POGZ: variants seen among roughly 807,000 people sequenced by gnomAD.
The protein encoded by POGZ is pogo transposable element with ZNF domain.
Under a neutral mutation model 134.6 loss-of-function variants are expected in POGZ, and 17 were observed. That is an observed-to-expected ratio of 0.13 (90% CI 0.09 to 0.19). POGZ has a LOEUF of 0.19. POGZ is among the 10% of genes least tolerant of loss of function. POGZ has a pLI of 1.00. For missense variants in POGZ, 1,306 were observed against 1,769.7 expected, an observed-to-expected ratio of 0.74 and a Z score of 4.70; for synonymous variants, 693 against 657.1, an observed-to-expected ratio of 1.05 and a Z score of -0.84.
intron 15 of POGZ, 97 bp downstream of exon 15, chr1:151,408,003 C>CCCT: frequency 8.5e-6 from 8 of 945,436 alleles, no homozygotes; most frequent in African/African-American, 6.5e-5. Context: ...CAGAGTGAGA[C>CCCT]CCTGTCTTCA....
chr1:151,441,330 G>T (rs1660495655), intron 2 of POGZ, among the ~76,000 whole-genome samples: 2 of 152,130 alleles, frequency 1.3e-5, no homozygotes, highest in Admixed American at 1.3e-4. Flanking sequence ...CCACTGAACT[G>T]GGATTTTAAT....
chr1:151,443,570 C>T (rs558980984), intron 1 of POGZ, among the ~76,000 whole-genome samples: 13 of 152,118 alleles, frequency 8.5e-5, no homozygotes, highest in African/African-American at 2.2e-4. Context: ...TAAAATTAGC[C>T]GGGCGTGGTG....
At position 151,430,646 on chromosome 1, in the gene POGZ, G is replaced by T; in HGVS notation, c.459+20C>A. On this transcript the variant is annotated intron_variant, in intron 4 of 18. Transcript: ENST00000271715. Reference sequence around the variant, plus strand: ...GTCTTTCTCTCCTCTAGCAACCTTGGAATTCAGAGTCCTACTCACCTGCGT... The same window carrying T: ...GTCTTTCTCTCCTCTAGCAACCTTGTAATTCAGAGTCCTACTCACCTGCGT... The T allele has an allele frequency of 6.3e-7, 1 of 1,585,492 alleles. No homozygotes were observed. The highest frequency in any genetic ancestry group is 8.6e-7 in the Non-Finnish European group (1 of 1,162,954).
rs185546394 is a variant in POGZ, at chr1:151,419,426, T to C, written c.1678+3971A>G. 3.0e-4 allele frequency among the ~76,000 whole-genome samples: 45 copies of C among 151,636 alleles called. No individual in the cohort carries two copies. The East Asian group carries it at 3.7e-3, about 12-fold the overall frequency. ...GCACTTTGAGGCTGAGGTGGGTGGATTGCTCGAGCTCAATAATTTGAGACC... is the reference window on the plus strand; with the variant it reads ...GCACTTTGAGGCTGAGGTGGGTGGACTGCTCGAGCTCAATAATTTGAGACC... On this transcript the variant is annotated intron_variant, in intron 10 of 18. Coordinates refer to ENST00000271715, the MANE Select transcript of POGZ (RefSeq NM_015100.4).
At chr1:151,440,249 T>G (rs1195504357) in intron 3 of POGZ, among the ~76,000 whole-genome samples, 1 of 151,920 alleles carries the variant, frequency 6.6e-6, no homozygotes, top group Non-Finnish European at 1.5e-5. Context: ...ACTAAAGCTG[T>G]TTTAGTTTTA....
chr1:151,458,612 C>CCGCCCCTCCGCCGCACGGCCT (rs1459083360), intron 1 of POGZ, among the ~76,000 whole-genome samples: 79 of 147,914 alleles, frequency 5.3e-4, no homozygotes, highest in Middle Eastern at 6.9e-3. Context: ...CCGCCGCCGC[C>CCGCCCCTCCGCCGCACGGCCT]CGCCCCTCCG....
rs1019613201 is a variant in POGZ, at chr1:151,452,058, T to C, written c.-2+7094A>G. Among the ~76,000 whole-genome samples the C allele has an allele frequency of 4.3e-5, 6 of 141,098 alleles. 1 individual carries two copies. The highest frequency in any genetic ancestry group is 4.1e-4 in the East Asian group (2 of 4,846). 92.6% of individuals were successfully genotyped at this position (141,098 alleles called of 152,430 possible). A position where few individuals can be genotyped will look rare whatever the true frequency, so the allele number is the denominator to read the frequency against. On this transcript the variant is annotated intron_variant, in intron 1 of 18. Coordinates refer to ENST00000271715, the MANE Select transcript of POGZ (RefSeq NM_015100.4). Reference sequence around the variant, plus strand: ...GTTGCAGTGAGCCGAGATGGTGCAATTGCACTCCAGCCTGGGCAACAAGAG... The same window carrying C: ...GTTGCAGTGAGCCGAGATGGTGCAACTGCACTCCAGCCTGGGCAACAAGAG...
intron 3 of POGZ, among the ~76,000 whole-genome samples, chr1:151,437,286 C>G (rs749623739): frequency 6.6e-6 from 1 of 150,448 alleles, no homozygotes; most frequent in Non-Finnish European, 1.5e-5. Context: ...TTTTTAATCA[C>G]ATCTTTAATG....
At chr1:151,446,814 TACTGCA>T in intron 1 of POGZ, among the ~76,000 whole-genome samples, 1 of 140,424 alleles carries the variant, frequency 7.1e-6, no homozygotes, top group East Asian at 2.1e-4. Flanking sequence ...TTGGGAATCA[TACTGCA>T]ACAAGTGAAC....
chr1:151,426,979 G>A (rs1235233399), intron 7 of POGZ: 8 of 152,082 alleles, frequency 5.3e-5, no homozygotes. Flanking sequence ...GCTCACTGCA[G>A]GCTCAACCTT....
At chr1:151,457,443 T>C (rs868206239) in intron 1 of POGZ, among the ~76,000 whole-genome samples, 5 of 152,168 alleles carry the variant, frequency 3.3e-5, no homozygotes, top group African/African-American at 1.2e-4. Flanking sequence ...GCCCCCCAAA[T>C]TGTACGTTTA....
chr1:151,452,358 C>CT (rs1174636080), intron 1 of POGZ, among the ~76,000 whole-genome samples: 1,578 of 147,632 alleles, frequency 0.011, 26 homozygotes, highest in African/African-American at 0.032. Context: ...AGATATTTGG[C>CT]TTTTTTTTTT....
Position 151,403,192 on chromosome 1 carries a change from G to A in POGZ, c.*1610C>T. 3.1e-6 allele frequency: 3 copies of A among 982,694 alleles called. No individual in the cohort carries two copies. Among genetic ancestry groups the A allele is most frequent in the Non-Finnish European group, 3.6e-6 (3 of 827,066 alleles). The allele number at this position is 982,694 out of a possible 1,614,324, so 60.9% of individuals were successfully genotyped here. ...TTTCCAGTTCACTATATTATAGTGT[G>A]CTGGGGGATGAAAAAACAAACAAAC... is the stretch of plus-strand genomic sequence containing the variant. On this transcript the variant is annotated 3_prime_UTR_variant, in exon 19 of 19. Coordinates refer to ENST00000271715, the MANE Select transcript of POGZ (RefSeq NM_015100.4).
chr1:151,429,461 AAATTGGGC>A (rs1327469557), intron 5 of POGZ, 134 bp downstream of exon 5: 8 of 439,334 alleles, frequency 1.8e-5, no homozygotes, highest in Non-Finnish European at 2.8e-5. Flanking sequence ...AGATTTTTTA[AAATTGGGC>A]TTAAATCATT....
intron 3 of POGZ, among the ~76,000 whole-genome samples, chr1:151,437,522 T>G (rs1406939004): frequency 2.6e-5 from 4 of 152,112 alleles, no homozygotes; most frequent in Admixed American, 1.3e-4. Context: ...GAAGCCGTGG[T>G]GGGTGGATCA....
chr1:151,444,833 C>T (rs1661039097), intron 1 of POGZ, among the ~76,000 whole-genome samples: 1 of 152,040 alleles, frequency 6.6e-6, no homozygotes, highest in Non-Finnish European at 1.5e-5. Flanking sequence ...GCTTGGGTAG[C>T]ACAGCAAGAC....
chr1:151,457,977 G>C (rs1173873092), intron 1 of POGZ, among the ~76,000 whole-genome samples: 1 of 151,796 alleles, frequency 6.6e-6, no homozygotes, highest in Non-Finnish European at 1.5e-5. Context: ...TTTGAGCGGC[G>C]GTAAGAGGTG....
At chr1:151,411,157 G>A (rs1272186513) in intron 12 of POGZ, among the ~76,000 whole-genome samples, 1 of 152,122 alleles carries the variant, frequency 6.6e-6, no homozygotes, top group African/African-American at 2.4e-5. Context: ...TGGCTTAAAA[G>A]ATCCTCCATG....
At chr1:151,448,576 C>T (rs1036315962) in intron 1 of POGZ, among the ~76,000 whole-genome samples, 7 of 152,088 alleles carry the variant, frequency 4.6e-5, no homozygotes, top group South Asian at 4.1e-4. Flanking sequence ...TCCAGACTAT[C>T]TTTTCTTTGC....
Sources: allele counts gnomAD v4.1 joint callset (sites outside exome capture counted in the v4.1 genomes callset), GRCh38; gene constraint gnomAD v4.1.1; transcripts MANE v1.5; gene names NCBI Gene and HGNC (gene_info 2026-07-23, HGNC 2026-07-21).